The following TMEM39A variants were observed in gnomAD, a reference collection of about 807,000 sequenced individuals.
The protein encoded by TMEM39A is transmembrane protein 39A.
TMEM39A carries 19 observed loss-of-function variants against 51.9 expected under a neutral mutation model. The observed-to-expected ratio is 0.37, with a 90% CI of 0.26 to 0.54. The LOEUF (loss-of-function observed/expected upper bound fraction) is 0.54. Among genes scored for constraint, TMEM39A ranks in the 20% least tolerant of loss-of-function variants. TMEM39A has a pLI of 0.88. For synonymous variants in TMEM39A, 197 were observed against 220.2 expected (o/e 0.89, Z 0.93); for missense variants, 433 against 590.5 (o/e 0.73, Z 2.76).
chr3:119,438,312 GATT>G (rs1327006165), intron 5 of TMEM39A, among the ~76,000 whole-genome samples: 1 of 152,160 alleles, frequency 6.6e-6, no homozygotes, highest in African/African-American at 2.4e-5. Context: ...ATTCATTGTA[GATT>G]ATTAAGAACC....
At chr3:119,433,777 G>C (rs559824654) in intron 8 of TMEM39A, among the ~76,000 whole-genome samples, 1 of 152,274 alleles carries the variant, frequency 6.6e-6, no homozygotes, top group South Asian at 2.1e-4. Flanking sequence ...GGAGATGCTT[G>C]TCGTTTTCTC....
At chr3:119,440,779 A>G (rs2081042292) in intron 5 of TMEM39A, among the ~76,000 whole-genome samples, 1 of 152,208 alleles carries the variant, frequency 6.6e-6, no homozygotes, top group South Asian at 2.1e-4. Flanking sequence ...GAAGGCAAAT[A>G]CAGGCATACC....
rs775118165 is a variant in TMEM39A at position 119,447,107 on chromosome 3, T to C, written c.486A>G (p.Leu162=). The C allele has an allele frequency of 1.9e-6, 3 of 1,613,990 alleles. No homozygotes were observed. The highest frequency in any genetic ancestry group is 2.5e-6 in the Non-Finnish European group (3 of 1,179,978). ...AAAGTACCCATCCACACAAAGTGAG[T>C]AGTACCAAGCGAGCTGATATCAGAA... The part of the protein sequence containing the change: ...YMVLISARLV[L]LTLCGWVLCW... The change falls in exon 5 of 9, where the codon CTA becomes CTG. Residue 162 remains leucine (L), a synonymous_variant. Transcript: ENST00000319172.
intron 8 of TMEM39A, among the ~76,000 whole-genome samples, chr3:119,433,133 A>G (rs1350964946): frequency 1.3e-5 from 2 of 152,212 alleles, no homozygotes; most frequent in African/African-American, 4.8e-5. Context: ...TAACTAATTT[A>G]GATGGAATTT....
chr3:119,437,354 T>A (rs1246373266), intron 6 of TMEM39A, among the ~76,000 whole-genome samples: 1 of 151,368 alleles, frequency 6.6e-6, no homozygotes, highest in African/African-American at 2.4e-5. Context: ...TCTATTAAAG[T>A]AAACTGAAGT....
chr3:119,454,818 A>G (rs2081244311), intron 3 of TMEM39A, among the ~76,000 whole-genome samples: 1 of 152,142 alleles, frequency 6.6e-6, no homozygotes, highest in Non-Finnish European at 1.5e-5. Context: ...TAAGTGCCTA[A>G]TACATCTTTT....
chr3:119,450,826 C>CAAA (rs60326718), intron 4 of TMEM39A, among the ~76,000 whole-genome samples: 824 of 55,602 alleles, frequency 0.015, 88 homozygotes, highest in African/African-American at 0.031. Context: ...GACTCCATCT[C>CAAA]AAAAAAAAAA....
In TMEM39A at chr3:119,431,264, G is replaced by A. The variant is rs1378899003; in HGVS notation, c.*717C>T. 1 of 152,124 alleles carries A rather than the reference G, an allele frequency of 6.6e-6. No individual in the cohort carries two copies. Among genetic ancestry groups the A allele is most frequent in the Non-Finnish European group, 1.5e-5 (1 of 68,006 alleles). 9.4% of individuals were successfully genotyped at this position (152,124 alleles called of 1,614,324 possible). A position where few individuals can be genotyped will look rare whatever the true frequency, so the allele number is the denominator to read the frequency against. ...GCCACACATCATCTTCTTCATGAAT[G>A]TGGGCAGTCTAAAGACTTCCTGTCT... On this transcript the variant is annotated 3_prime_UTR_variant, in exon 9 of 9. Coordinates refer to ENST00000319172, the MANE Select transcript of TMEM39A (RefSeq NM_018266.3).
At chr3:119,451,344 A>G (rs1269933575) in intron 4 of TMEM39A, 18 of 1,219,304 alleles carry the variant, frequency 1.5e-5, no homozygotes, top group Non-Finnish European at 1.9e-5. Context: ...GGGAAAAAGA[A>G]GTTGACTCTC....
At chr3:119,462,730 TTAAAAG>T (rs1479084613) in intron 1 of TMEM39A, among the ~76,000 whole-genome samples, 3 of 146,240 alleles carry the variant, frequency 2.1e-5, no homozygotes, top group African/African-American at 5.1e-5. Context: ...TTTTAACAGT[TTAAAAG>T]TAAAACTGTT....
chr3:119,448,994 AT>A (rs958593572), intron 4 of TMEM39A, among the ~76,000 whole-genome samples: 2 of 152,252 alleles, frequency 1.3e-5, no homozygotes, highest in Admixed American at 6.5e-5. Context: ...TTATCTAATC[AT>A]TTTTTTAATT....
chr3:119,448,412 G>T (rs1454454451), intron 4 of TMEM39A, among the ~76,000 whole-genome samples: 2 of 152,184 alleles, frequency 1.3e-5, no homozygotes, highest in African/African-American at 2.4e-5. Flanking sequence ...CATGGTAGGG[G>T]ATAAGGAGCT....
chr3:119,451,830 CAAAAAAAAAAA>C (rs10653676), intron 4 of TMEM39A, among the ~76,000 whole-genome samples: 2 of 54,280 alleles, frequency 3.7e-5, no homozygotes, highest in Admixed American at 2.5e-4. Context: ...AACTCCGTCT[CAAAAAAAAAAA>C]AAAAAAAAAA....
chr3:119,446,963 G>A (rs1366627125), intron 5 of TMEM39A, 55 bp downstream of exon 5: 7 of 1,555,052 alleles, frequency 4.5e-6, no homozygotes, highest in Non-Finnish European at 6.1e-6. Context: ...TCGTTTACGT[G>A]ACCGAAATAA....
Position 119,459,690 on chromosome 3 carries a change from G to A in TMEM39A, c.114-1450C>T, listed in dbSNP as rs561674614. ...GAACTACAATTTCAACCTTGACTGT[G>A]TTACCAAACTAGCTCCTTGACATTC... On this transcript the variant is annotated intron_variant, in intron 2 of 8. Coordinates refer to ENST00000319172, the MANE Select transcript of TMEM39A (RefSeq NM_018266.3). Among the ~76,000 whole-genome samples, 3 of 152,278 alleles carry A rather than the reference G, an allele frequency of 2.0e-5. No individual in the cohort carries two copies. In the South Asian group the frequency reaches 6.2e-4, roughly 32 times the overall value.
rs1182289311 is a variant in TMEM39A, at chr3:119,429,493, C to G, written c.*2488G>C. The stretch of plus-strand genomic sequence containing the variant: ...TCCACAAACAATTTTAACTTGCCAA[C>G]AAAGAATTACAAAAAAGGTCATTCT... On this transcript the variant is annotated 3_prime_UTR_variant, in exon 9 of 9. Transcript: ENST00000319172. 6.6e-6 allele frequency: 1 copy of G among 152,036 alleles called. No homozygotes were observed. The highest frequency in any genetic ancestry group is 1.5e-5 in the Non-Finnish European group (1 of 68,000). 9.4% of individuals were successfully genotyped at this position (152,036 alleles called of 1,614,324 possible).
intron 7 of TMEM39A, chr3:119,435,394 G>GT (rs2080954761): frequency 3.0e-6 from 3 of 985,156 alleles, no homozygotes; most frequent in Non-Finnish European, 3.6e-6. Context: ...CCTCACAACT[G>GT]TAAGAAGATA....
rs2107655599 is a variant in TMEM39A at position 119,432,046 on chromosome 3, C to T, written c.1402G>A (p.Asp468Asn). 1 of 1,613,044 alleles carries T rather than the reference C, an allele frequency of 6.2e-7. No individual in the cohort carries two copies. Among genetic ancestry groups the T allele is most frequent in the Non-Finnish European group, 8.5e-7 (1 of 1,179,410 alleles). The change falls in exon 9 of 9, where the codon GAC (aspartate) becomes AAC (asparagine). Residue 468 changes from aspartate to asparagine, a missense_variant. Around this residue, in one of 3 missense-constraint regions of TMEM39A, gnomAD observed 223 missense variants for 328.1 expected, o/e 0.68. Coordinates refer to ENST00000319172, the MANE Select transcript of TMEM39A (RefSeq NM_018266.3). ...NYYVLFKLLR[D>N]RIVLGRAYSY... Reference sequence around the variant, plus strand: ...TATGCCCTGCCTAATACTATTCTGTCCCGGAGAAGTTTAAATAAAACATAG... The same window carrying T: ...TATGCCCTGCCTAATACTATTCTGTTCCGGAGAAGTTTAAATAAAACATAG...
rs561816533 is a variant in TMEM39A, at chr3:119,445,473, G to A, written c.575+1545C>T. 3.9e-5 allele frequency among the ~76,000 whole-genome samples: 6 copies of A among 152,252 alleles called. No homozygotes were observed. The East Asian group carries it at 9.7e-4, about 25-fold the overall frequency. On this transcript the variant is annotated intron_variant, in intron 5 of 8. Transcript: ENST00000319172. ...AGAGACGGGGTTTCGCCATGTTGGC[G>A]AGGCTGGTCTCGAACTACTAACCTC...
Sources: allele counts gnomAD v4.1 joint callset (sites outside exome capture counted in the v4.1 genomes callset), GRCh38; gene constraint gnomAD v4.1.1; regional missense constraint gnomAD v4.1.1; transcripts MANE v1.5; gene names NCBI Gene and HGNC (gene_info 2026-07-23, HGNC 2026-07-21).